FYB2: variants seen among roughly 807,000 people sequenced by gnomAD.
FYB2 encodes the protein FYN-binding protein 2.
Under a neutral mutation model 94.1 loss-of-function variants are expected in FYB2, and 103 were observed. That is an observed-to-expected ratio of 1.09 (90% confidence interval 0.93 to 1.29). FYB2 has a LOEUF of 1.29. FYB2 is among the 50% of genes most tolerant of loss of function. The pLI is 0.00. For missense variants in FYB2, 896 were observed against 841.5 expected (o/e 1.06, Z -0.80); for synonymous variants, 293 against 287.9 (o/e 1.02, Z -0.18).
At chr1:56,787,589 C>T (rs1253938718) in intron 3 of FYB2, among the ~76,000 whole-genome samples, 5 of 152,140 alleles carry the variant, frequency 3.3e-5, no homozygotes, top group African/African-American at 4.8e-5. Context: ...CCTGGTATAC[C>T]AAGCACTATT....
intron 4 of FYB2, among the ~76,000 whole-genome samples, chr1:56,776,037 G>C (rs868223744): frequency 1.9e-4 from 29 of 152,158 alleles, no homozygotes; most frequent in African/African-American, 6.8e-4. Context: ...ACTTGCCCAA[G>C]ATAGCACTGC....
intron 16 of FYB2, 35 bp from the exon 17 acceptor site, chr1:56,723,716 TATA>T (rs1644531266): frequency 1.6e-6 from 2 of 1,262,640 alleles, no homozygotes; most frequent in Non-Finnish European, 1.1e-6. Context: ...TAAAACGTAC[TATA>T]ATAAAACTTT....
At chr1:56,751,297 A>T in intron 8 of FYB2, 94 bp from the exon 9 acceptor site, 1 of 1,233,024 alleles carries the variant, frequency 8.1e-7, no homozygotes, top group South Asian at 1.6e-5. Flanking sequence ...TTCCTCATGG[A>T]TAACAATTAT....
intron 4 of FYB2, among the ~76,000 whole-genome samples, chr1:56,782,531 C>A (rs1335059465): frequency 6.6e-6 from 1 of 151,862 alleles, no homozygotes; most frequent in Non-Finnish European, 1.5e-5. Flanking sequence ...CATTGTGTTT[C>A]CCACTCTGCT....
intron 2 of FYB2, 60 bp from the exon 3 acceptor site, chr1:56,789,194 T>A: frequency 6.6e-7 from 1 of 1,515,026 alleles, no homozygotes; most frequent in Non-Finnish European, 8.8e-7. Context: ...AGCTTGTGGG[T>A]AAAACTGGTT....
chr1:56,721,952 C>T (rs960474609), intron 17 of FYB2, among the ~76,000 whole-genome samples: 2 of 151,930 alleles, frequency 1.3e-5, no homozygotes, highest in African/African-American at 4.8e-5. Flanking sequence ...ATGATTTGAG[C>T]TGGACAAAAA....
Position 56,753,881 on chromosome 1 carries a change from A to G in FYB2, c.1185T>C (p.Pro395=). 1.2e-6 allele frequency: 2 copies of G among 1,611,554 alleles called. No individual in the cohort carries two copies. Among genetic ancestry groups the G allele is most frequent in the Non-Finnish European group, 1.7e-6 (2 of 1,178,184 alleles). The change falls in exon 8 of 20, where the codon CCT becomes CCC. Residue 395 remains proline (P), a synonymous_variant. Transcript: ENST00000343433. ...MKEKQPCELK[P]KNTEKEPYSN... is the part of the protein sequence containing the mutation. ...AATATGGTTCCTTTTCTGTGTTTTT[A>G]GGTTTCAATTCACATGGTTGTTTTT...
At chr1:56,765,423 C>G (rs535368212) in intron 5 of FYB2, among the ~76,000 whole-genome samples, 13 of 152,308 alleles carry the variant, frequency 8.5e-5, no homozygotes, top group African/African-American at 3.1e-4. Context: ...TCCCAGCTCC[C>G]TACTTGACCT....
At chr1:56,804,303 A>G (rs923959426) in intron 1 of FYB2, among the ~76,000 whole-genome samples, 3 of 152,226 alleles carry the variant, frequency 2.0e-5, no homozygotes, top group Admixed American at 2.0e-4. Flanking sequence ...CTCAATAAGT[A>G]TTTACCAAAC....
chr1:56,731,342 A>AT (rs1204009470), intron 15 of FYB2, among the ~76,000 whole-genome samples: 3 of 152,192 alleles, frequency 2.0e-5, no homozygotes, highest in Non-Finnish European at 4.4e-5. Flanking sequence ...AATTTAAAAT[A>AT]TTTTTTTAAA....
chr1:56,801,935 A>G (rs1646531319), intron 1 of FYB2, among the ~76,000 whole-genome samples: 1 of 152,244 alleles, frequency 6.6e-6, no homozygotes, highest in Non-Finnish European at 1.5e-5. Context: ...AGGCAGAATT[A>G]AACCCAGGGT....
intron 16 of FYB2, among the ~76,000 whole-genome samples, 192 bp downstream of exon 16, chr1:56,726,305 G>A (rs1455356477): frequency 2.0e-5 from 3 of 152,040 alleles, no homozygotes; most frequent in Non-Finnish European, 4.4e-5. Context: ...ACATGGGTAT[G>A]ACACTTAATA....
intron 6 of FYB2, among the ~76,000 whole-genome samples, chr1:56,756,544 A>G (rs1400014178): frequency 6.6e-6 from 1 of 152,150 alleles, no homozygotes; most frequent in African/African-American, 2.4e-5. Flanking sequence ...TCCAGGTATC[A>G]TAGCTCATTA....
chr1:56,751,024 C>A lies in FYB2; in HGVS notation c.1387+20G>T. 6.2e-7 allele frequency: 1 copy of A among 1,603,178 alleles called. No homozygotes were observed. Among genetic ancestry groups the A allele is most frequent in the South Asian group, 1.1e-5 (1 of 89,640 alleles). On this transcript the variant is annotated intron_variant, in intron 9 of 19. Coordinates refer to ENST00000343433, the MANE Select transcript of FYB2 (RefSeq NM_001004303.5). Reference sequence around the variant, plus strand: ...AACAAATTGTAATGATGAAGAAGATCAGAAAGAAATGCAACTTACAGTGGC... The same window carrying A: ...AACAAATTGTAATGATGAAGAAGATAAGAAAGAAATGCAACTTACAGTGGC...
At chr1:56,779,546 A>T (rs181618747) in intron 4 of FYB2, among the ~76,000 whole-genome samples, 1 of 152,322 alleles carries the variant, frequency 6.6e-6, no homozygotes, top group Non-Finnish European at 1.5e-5. Flanking sequence ...GAGGGATATA[A>T]TATTGGACAT....
chr1:56,797,907 T>C (rs1338094412), intron 1 of FYB2, among the ~76,000 whole-genome samples: 2 of 152,176 alleles, frequency 1.3e-5, no homozygotes, highest in Non-Finnish European at 2.9e-5. Flanking sequence ...ATGTAAACTC[T>C]TTGAAGGTGG....
chr1:56,730,449 G>T (rs1569873821), intron 15 of FYB2, among the ~76,000 whole-genome samples: 1 of 151,034 alleles, frequency 6.6e-6, no homozygotes, highest in African/African-American at 2.4e-5. Context: ...GGGATGGCAA[G>T]TTCAGGTAAA....
At chr1:56,755,201 CA>C (rs1199811253) in intron 7 of FYB2, among the ~76,000 whole-genome samples, 1 of 152,032 alleles carries the variant, frequency 6.6e-6, no homozygotes, top group East Asian at 1.9e-4. Flanking sequence ...CCAGGAACAC[CA>C]AAAACATTAA....
At chr1:56,766,254 C>T (rs2100801806) in intron 5 of FYB2, among the ~76,000 whole-genome samples, 1 of 152,248 alleles carries the variant, frequency 6.6e-6, no homozygotes, top group Non-Finnish European at 1.5e-5. Context: ...AGAAGCCCTG[C>T]TCTAAAGAAG....
Sources: allele counts gnomAD v4.1 joint callset (sites outside exome capture counted in the v4.1 genomes callset), GRCh38; gene constraint gnomAD v4.1.1; transcripts MANE v1.5; gene names NCBI Gene and HGNC (gene_info 2026-07-23, HGNC 2026-07-21).